Variants in CADM1 observed in about 807,000 individuals in gnomAD.
CADM1 encodes the protein TSLC-1.
In CADM1, 15 loss-of-function variants were observed where a neutral mutation model predicts 53.1. The ratio of observed to expected loss-of-function variants is 0.28; its 90% CI spans 0.19 to 0.44. CADM1 has a LOEUF of 0.44. Ranked by LOEUF, CADM1 falls within the 20% of genes least tolerant of loss-of-function variation. The probability of loss-of-function intolerance (pLI) is 1.00; values close to 1 mark genes in which losing one functional copy is unlikely to be tolerated. For missense variants in CADM1, 434 were observed against 611.3 expected (o/e 0.71, Z 3.06); for synonymous variants, 281 against 243.0 (o/e 1.16, Z -1.45).
intron 1 of CADM1, among the ~76,000 whole-genome samples, chr11:115,357,336 C>T (rs1203933079): frequency 6.6e-6 from 1 of 152,208 alleles, no homozygotes; most frequent in Non-Finnish European, 1.5e-5. Flanking sequence ...TTTTCCCAGA[C>T]TTTCAGCACT....
intron 1 of CADM1, among the ~76,000 whole-genome samples, chr11:115,308,866 A>G (rs1455104117): frequency 6.6e-6 from 1 of 150,626 alleles, no homozygotes; most frequent in African/African-American, 2.4e-5. Flanking sequence ...CAATCAACAA[A>G]TATTTATTGA....
At chr11:115,254,576 ACAC>A (rs1942717887) in intron 1 of CADM1, among the ~76,000 whole-genome samples, 2 of 149,406 alleles carry the variant, frequency 1.3e-5, no homozygotes, top group African/African-American at 5.0e-5. Context: ...ACACACACAC[ACAC>A]ACACACACAC....
At chr11:115,387,876 T>C (rs920831479) in intron 1 of CADM1, among the ~76,000 whole-genome samples, 1 of 151,862 alleles carries the variant, frequency 6.6e-6, no homozygotes, top group Non-Finnish European at 1.5e-5. Context: ...CACCCCAATA[T>C]TGGTTTCTAA....
intron 11 of CADM1, among the ~76,000 whole-genome samples, 154 bp downstream of exon 11, chr11:115,178,490 T>G (rs7128213): frequency 0.086 from 13,018 of 150,782 alleles, 788 homozygotes; most frequent in East Asian, 0.29. Context: ...TTTGTTTTTT[T>G]TTTTTTTTTT....
intron 1 of CADM1, among the ~76,000 whole-genome samples, chr11:115,344,755 T>C (rs1387738460): frequency 6.6e-6 from 1 of 152,116 alleles, no homozygotes; most frequent in Non-Finnish European, 1.5e-5. Context: ...ACAACAACCC[T>C]CTCTAATACA....
intron 2 of CADM1, 41 bp downstream of exon 2, chr11:115,240,233 T>G: frequency 6.2e-7 from 1 of 1,601,978 alleles, no homozygotes; most frequent in Non-Finnish European, 8.5e-7. Flanking sequence ...AACATGTAGG[T>G]AAAAAAGTTG....
intron 1 of CADM1, among the ~76,000 whole-genome samples, chr11:115,260,187 C>T (rs1942928882): frequency 6.6e-6 from 1 of 152,174 alleles, no homozygotes; most frequent in African/African-American, 2.4e-5. Context: ...AGCTTGGCTT[C>T]CCAAAGTGTT....
chr11:115,340,827 A>G (rs1166263239), intron 1 of CADM1, among the ~76,000 whole-genome samples: 1 of 150,184 alleles, frequency 6.7e-6, no homozygotes, highest in Admixed American at 6.6e-5. Flanking sequence ...CCCCCAGCTA[A>G]TTTTTGTATT....
chr11:115,467,744 C>T (rs952188797), intron 1 of CADM1, among the ~76,000 whole-genome samples: 7 of 152,172 alleles, frequency 4.6e-5, no homozygotes, highest in African/African-American at 1.7e-4. Context: ...TCATCCTATT[C>T]TGAGTGAATG....
chr11:115,233,232 G>A (rs73574130), intron 3 of CADM1, among the ~76,000 whole-genome samples: 3,244 of 152,278 alleles, frequency 0.021, 109 homozygotes, highest in African/African-American at 0.072. Flanking sequence ...TCAAATGGAT[G>A]TGTTGCTAAT....
chr11:115,264,751 G>C (rs1305616018), intron 1 of CADM1, among the ~76,000 whole-genome samples: 2 of 152,176 alleles, frequency 1.3e-5, no homozygotes, highest in Non-Finnish European at 2.9e-5. Flanking sequence ...ACTGATGCGA[G>C]GATGAAACGA....
At chr11:115,211,840 T>A (rs1206544823) in intron 7 of CADM1, among the ~76,000 whole-genome samples, 1 of 152,148 alleles carries the variant, frequency 6.6e-6, no homozygotes, top group Admixed American at 6.5e-5. Context: ...AAGTGTGTGA[T>A]GTCCACAATA....
At chr11:115,319,898 T>C (rs139540269) in intron 1 of CADM1, among the ~76,000 whole-genome samples, 137 of 152,298 alleles carry the variant, frequency 9.0e-4, no homozygotes, top group African/African-American at 3.2e-3. Context: ...CTAACAACCC[T>C]AAAATTATCA....
intron 1 of CADM1, among the ~76,000 whole-genome samples, chr11:115,262,397 A>C (rs1943002600): frequency 6.6e-6 from 1 of 152,206 alleles, no homozygotes; most frequent in Non-Finnish European, 1.5e-5. Context: ...ACACACTTTA[A>C]ATGAAAGATT....
intron 1 of CADM1, among the ~76,000 whole-genome samples, chr11:115,309,495 ATCAT>A (rs1428798343): frequency 6.6e-6 from 1 of 152,196 alleles, no homozygotes; most frequent in African/African-American, 2.4e-5. Flanking sequence ...TGCCAATTCA[ATCAT>A]TCAAAGAAGT....
chr11:115,247,446 T>C (rs187604710), intron 1 of CADM1, among the ~76,000 whole-genome samples: 1 of 152,302 alleles, frequency 6.6e-6, no homozygotes, highest in East Asian at 1.9e-4. Context: ...GCAAAAGGCC[T>C]GGTTTAAAAA....
intron 1 of CADM1, among the ~76,000 whole-genome samples, chr11:115,295,020 C>G (rs1469012400): frequency 6.6e-6 from 1 of 152,054 alleles, no homozygotes; most frequent in African/African-American, 2.4e-5. Context: ...GCCTGGGCAA[C>G]AAGAGTGAAA....
intron 1 of CADM1, among the ~76,000 whole-genome samples, chr11:115,258,373 G>A (rs1942861222): frequency 6.6e-6 from 1 of 152,164 alleles, no homozygotes; most frequent in Admixed American, 6.5e-5. Context: ...CCTTTCAAAG[G>A]TTACTGCCAG....
At chr11:115,490,996 A>G (rs1949484245) in intron 1 of CADM1, among the ~76,000 whole-genome samples, 1 of 152,208 alleles carries the variant, frequency 6.6e-6, no homozygotes, top group Admixed American at 6.5e-5. Flanking sequence ...ATCCGGACTG[A>G]GATGTCCAAG....
Sources: gnomAD v4.1 joint callset for allele counts (sites outside exome capture counted in the v4.1 genomes callset) on GRCh38, gnomAD v4.1.1 for gene constraint, MANE v1.5 for transcripts, NCBI Gene and HGNC (gene_info 2026-07-23, HGNC 2026-07-21) for gene names.